The following MAST4 variants were observed in gnomAD, a reference collection of about 807,000 sequenced individuals.
The protein encoded by MAST4 is microtubule-associated serine/threonine-protein kinase 4.
A neutral mutation model predicts 162.7 loss-of-function variants in MAST4; 89 were observed. That is an observed-to-expected ratio of 0.55 (90% confidence interval 0.46 to 0.65). The LOEUF (loss-of-function observed/expected upper bound fraction) is 0.65, where lower values mean the gene tolerates loss of function less well. Ranked by LOEUF, MAST4 falls within the 30% of genes least tolerant of loss-of-function variation. The probability of loss-of-function intolerance (pLI) is 0.00; values close to 1 mark genes in which losing one functional copy is unlikely to be tolerated. For synonymous variants in MAST4, 1,479 were observed against 1,361.1 expected, an observed-to-expected ratio of 1.09 and a Z score of -1.91; for missense variants, 3,153 against 3,374.0, an observed-to-expected ratio of 0.93 and a Z score of 1.62.
At chr5:66,963,273 G>T (rs1262777405) in intron 4 of MAST4, among the ~76,000 whole-genome samples, 1 of 152,180 alleles carries the variant, frequency 6.6e-6, no homozygotes, top group Non-Finnish European at 1.5e-5. Flanking sequence ...CCTTGCAAAA[G>T]TGCTTAAAAA....
At position 66,749,383 on chromosome 5, in the gene MAST4, G is replaced by A. The variant is rs146312494; in HGVS notation, c.364-10326G>A. On this transcript the variant is annotated intron_variant, in intron 1 of 28. Transcript: ENST00000403625. ...AGCTACAGATGCCCGTAGCATAGGC[G>A]ATCACACCCTAGAATTCTGTGCTCT... Among the ~76,000 whole-genome samples, 5 of 152,248 alleles carry A rather than the reference G, an allele frequency of 3.3e-5. No homozygotes were observed. The East Asian group carries it at 5.8e-4, about 18-fold the overall frequency.
intron 3 of MAST4, among the ~76,000 whole-genome samples, chr5:66,795,606 A>C (rs1231041230): frequency 1.3e-5 from 2 of 152,228 alleles, no homozygotes; most frequent in Admixed American, 6.5e-5. Context: ...TTTTAAATTT[A>C]TGCTTTAGTG....
chr5:66,877,700 A>G (rs925953240), intron 3 of MAST4, among the ~76,000 whole-genome samples: 2 of 152,218 alleles, frequency 1.3e-5, no homozygotes, highest in African/African-American at 4.8e-5. Context: ...TTATTGAAAT[A>G]TAATATGGAC....
At chr5:66,698,139 C>A (rs929240203) in intron 1 of MAST4, among the ~76,000 whole-genome samples, 2 of 151,912 alleles carry the variant, frequency 1.3e-5, no homozygotes, top group Non-Finnish European at 2.9e-5. Flanking sequence ...TGGACTCCTG[C>A]AAAATCCCTT....
At chr5:67,053,424 T>C (rs1758421361) in intron 4 of MAST4, among the ~76,000 whole-genome samples, 1 of 152,134 alleles carries the variant, frequency 6.6e-6, no homozygotes, top group South Asian at 2.1e-4. Context: ...CTCCTAATGG[T>C]GGTTGAGGGC....
intron 3 of MAST4, among the ~76,000 whole-genome samples, chr5:66,889,114 C>T (rs896791304): frequency 2.4e-4 from 37 of 152,224 alleles, no homozygotes; most frequent in East Asian, 7.7e-4. Context: ...CAATAAAAGT[C>T]GATGGTAACT....
chr5:66,863,427 G>T (rs35069554), intron 3 of MAST4, among the ~76,000 whole-genome samples: 37,604 of 152,130 alleles, frequency 0.25, 5,833 homozygotes, highest in Non-Finnish European at 0.35. Context: ...GCTGCCTTTG[G>T]CCCAGTGATT....
chr5:67,091,744 A>G (rs1037502379), intron 6 of MAST4, among the ~76,000 whole-genome samples: 1 of 152,182 alleles, frequency 6.6e-6, no homozygotes, highest in African/African-American at 2.4e-5. Context: ...AGAGAATCTA[A>G]TAATTAAATA....
At chr5:66,923,377 T>C (rs1349479337) in intron 4 of MAST4, among the ~76,000 whole-genome samples, 2 of 152,228 alleles carry the variant, frequency 1.3e-5, no homozygotes, top group Non-Finnish European at 2.9e-5. Context: ...CTCTCCCATC[T>C]TCAAGGGTCA....
At chr5:67,109,838 C>T (rs908669062) in intron 10 of MAST4, among the ~76,000 whole-genome samples, 5 of 152,204 alleles carry the variant, frequency 3.3e-5, no homozygotes, top group East Asian at 1.9e-4. Context: ...TCACATCAAG[C>T]GCCCTTTGAT....
At chr5:66,944,330 T>C (rs1346024211) in intron 4 of MAST4, among the ~76,000 whole-genome samples, 1 of 152,150 alleles carries the variant, frequency 6.6e-6, no homozygotes, top group African/African-American at 2.4e-5. Flanking sequence ...TCTGAGTACT[T>C]TTAAAATAAA....
In MAST4 at chr5:67,144,692, C is replaced by A; in HGVS notation, c.2754C>A (p.Ile918=). ...AGGTTTTCAGCAGTATAGATCGAAT[C>A]ACTCAGAATTCAGCAGAAGAGAAGG... The part of the protein sequence containing the change: ...FSKVFSSIDR[I]TQNSAEEKED... The change falls in exon 22 of 29, where the codon ATC becomes ATA. Residue 918 remains isoleucine (I), a synonymous_variant. Transcript: ENST00000403625. 1 of 1,613,898 alleles carries A rather than the reference C, an allele frequency of 6.2e-7. No homozygotes were observed. Among genetic ancestry groups the A allele is most frequent in the South Asian group, 1.1e-5 (1 of 91,060 alleles).
At chr5:67,073,229 C>T (rs534088185) in intron 5 of MAST4, among the ~76,000 whole-genome samples, 2 of 152,198 alleles carry the variant, frequency 1.3e-5, no homozygotes, top group African/African-American at 4.8e-5. Flanking sequence ...TGCTCCTGTT[C>T]TCTGGGTTGC....
chr5:66,708,222 G>A (rs1464686283), intron 1 of MAST4, among the ~76,000 whole-genome samples: 1 of 152,116 alleles, frequency 6.6e-6, no homozygotes, highest in East Asian at 1.9e-4. Context: ...GGAGTTGGAA[G>A]ATGAGGTTCG....
chr5:66,778,973 C>T (rs187093750), intron 2 of MAST4, among the ~76,000 whole-genome samples: 5 of 152,278 alleles, frequency 3.3e-5, no homozygotes, highest in Admixed American at 1.3e-4. Context: ...TCTGGGCCCA[C>T]GTGAAAGAAA....
At chr5:66,618,066 G>A (rs1166786407) in intron 1 of MAST4, among the ~76,000 whole-genome samples, 1 of 151,892 alleles carries the variant, frequency 6.6e-6, no homozygotes, top group East Asian at 1.9e-4. Flanking sequence ...GTCTATGCGT[G>A]TTAAAGGCCT....
intron 3 of MAST4, among the ~76,000 whole-genome samples, chr5:66,853,775 G>A (rs941307608): frequency 1.3e-5 from 2 of 152,218 alleles, no homozygotes; most frequent in East Asian, 3.9e-4. Context: ...AGGATTTTTT[G>A]TGGAAAAGGA....
At chr5:67,129,639 A>G (rs1768692869) in intron 14 of MAST4, among the ~76,000 whole-genome samples, 1 of 151,974 alleles carries the variant, frequency 6.6e-6, no homozygotes, top group South Asian at 2.1e-4. Flanking sequence ...CACAAGAATC[A>G]TATGAAACCA....
At chr5:66,932,185 C>A (rs989787180) in intron 4 of MAST4, among the ~76,000 whole-genome samples, 2 of 152,124 alleles carry the variant, frequency 1.3e-5, no homozygotes, top group African/African-American at 4.8e-5. Context: ...AGGTCTGTCA[C>A]CGTTATCAGA....
Sources: allele counts gnomAD v4.1 joint callset (sites outside exome capture counted in the v4.1 genomes callset), GRCh38; gene constraint gnomAD v4.1.1; transcripts MANE v1.5; gene names NCBI Gene and HGNC (gene_info 2026-07-23, HGNC 2026-07-21).